Variants in CPNE4 observed in about 807,000 individuals in gnomAD.
CPNE4 encodes the protein copine-4.
Under a neutral mutation model 67.9 loss-of-function variants are expected in CPNE4, and 25 were observed. The observed-to-expected ratio is 0.37, with a 90% CI of 0.27 to 0.51. The LOEUF (loss-of-function observed/expected upper bound fraction) is 0.51, where lower values mean the gene tolerates loss of function less well. Among genes scored for constraint, CPNE4 ranks in the 20% least tolerant of loss-of-function variants. The pLI, the probability that CPNE4 is intolerant of heterozygous loss-of-function variation, is 0.93. For missense variants in CPNE4, 464 were observed against 690.8 expected, an observed-to-expected ratio of 0.67 and a Z score of 3.68; for synonymous variants, 242 against 244.9, an observed-to-expected ratio of 0.99 and a Z score of 0.11.
intron 5 of CPNE4, among the ~76,000 whole-genome samples, chr3:131,686,609 AT>A (rs2080896430): frequency 6.6e-6 from 1 of 151,868 alleles, no homozygotes; most frequent in Admixed American, 6.5e-5. Context: ...TCCATTTCTG[AT>A]TTCCTTTACT....
intron 2 of CPNE4, among the ~76,000 whole-genome samples, chr3:131,801,054 T>C (rs1403748979): frequency 6.6e-6 from 1 of 152,094 alleles, no homozygotes; most frequent in African/African-American, 2.4e-5. Flanking sequence ...TAGGGACTTA[T>C]GTCTAGTAGA....
chr3:131,664,082 A>G (rs930406178), intron 7 of CPNE4, among the ~76,000 whole-genome samples: 1 of 152,160 alleles, frequency 6.6e-6, no homozygotes, highest in African/African-American at 2.4e-5. Flanking sequence ...TATCCATGTT[A>G]CTTGTGTGGT....
At chr3:131,578,209 T>C (rs1402582976) in intron 9 of CPNE4, among the ~76,000 whole-genome samples, 2 of 152,214 alleles carry the variant, frequency 1.3e-5, no homozygotes, top group African/African-American at 4.8e-5. Context: ...ATTTTGGTAA[T>C]TGTAATATTT....
intron 3 of CPNE4, among the ~76,000 whole-genome samples, chr3:131,706,893 C>A (rs1262592856): frequency 6.6e-6 from 1 of 152,286 alleles, no homozygotes; most frequent in East Asian, 1.9e-4. Context: ...CAATGCCCCC[C>A]ACCCCACTTC....
chr3:131,544,219 C>T (rs903170972), intron 14 of CPNE4, among the ~76,000 whole-genome samples: 11 of 152,152 alleles, frequency 7.2e-5, no homozygotes, highest in South Asian at 2.1e-4. Flanking sequence ...AGCCATTCCA[C>T]GTTACCATAC....
rs556665767 is a variant in CPNE4, at chr3:131,859,658, C to T, written c.180+45606G>A. Among the ~76,000 whole-genome samples, 401 of 152,242 alleles carry T rather than the reference C, an allele frequency of 2.6e-3. 2 individuals carry two copies. The highest frequency in any genetic ancestry group is 4.7e-3 in the Non-Finnish European group (319 of 68,014). On this transcript the variant is annotated intron_variant, in intron 2 of 15. Transcript: ENST00000429747. ...GTCCATAAATAATTTGCATTATAGG[C>T]AAGATTGAGCACCAATGGTGTCCAC...
intron 8 of CPNE4, 131 bp downstream of exon 8, chr3:131,587,353 C>T: frequency 3.1e-6 from 2 of 650,378 alleles, no homozygotes; most frequent in Non-Finnish European, 5.6e-6. Context: ...ATACTCACAT[C>T]CTACCATGCT....
At chr3:131,970,078 A>G (rs2107944598) in intron 1 of CPNE4, among the ~76,000 whole-genome samples, 1 of 152,346 alleles carries the variant, frequency 6.6e-6, no homozygotes. Flanking sequence ...ATTTGGGTAT[A>G]GAGCCATATG....
rs114007232 is a variant in CPNE4, at chr3:132,031,015, C to A, written c.-2+3552G>T. On this transcript the variant is annotated intron_variant, in intron 1 of 15. Coordinates refer to ENST00000429747, the MANE Select transcript of CPNE4 (RefSeq NM_130808.3). ...CTTTATCCAAAAAATGGATGTGTAA[C>A]CCCAACCTAAATTATTATCATAATG... is the stretch of plus-strand genomic sequence containing the variant. Among the ~76,000 whole-genome samples the A allele has an allele frequency of 6.9e-3, 1,046 of 152,226 alleles. 10 individuals are homozygous for A. Among genetic ancestry groups the A allele is most frequent in the African/African-American group, 0.021 (868 of 41,550 alleles).
chr3:131,773,008 C>T (rs944496489), intron 2 of CPNE4, among the ~76,000 whole-genome samples: 1 of 152,118 alleles, frequency 6.6e-6, no homozygotes, highest in Admixed American at 6.6e-5. Flanking sequence ...ACTGAACTAA[C>T]ACTTGGGTAG....
chr3:131,847,973 T>A (rs534081294), intron 2 of CPNE4, among the ~76,000 whole-genome samples: 1 of 152,168 alleles, frequency 6.6e-6, no homozygotes, highest in African/African-American at 2.4e-5. Flanking sequence ...CATAGACTTA[T>A]CTCCTAAACA....
At chr3:131,680,933 C>T (rs952365872) in intron 6 of CPNE4, among the ~76,000 whole-genome samples, 1 of 152,182 alleles carries the variant, frequency 6.6e-6, no homozygotes, top group Non-Finnish European at 1.5e-5. Context: ...TTTTCCATTC[C>T]TGAGTTACTT....
intron 3 of CPNE4, among the ~76,000 whole-genome samples, chr3:131,705,269 A>T (rs2107711928): frequency 6.6e-6 from 1 of 152,284 alleles, no homozygotes; most frequent in Non-Finnish European, 1.5e-5. Flanking sequence ...CAGCAGCAGC[A>T]AGGCTGGGGA....
chr3:131,692,150 C>T (rs1348106453), intron 5 of CPNE4, among the ~76,000 whole-genome samples: 3 of 152,056 alleles, frequency 2.0e-5, no homozygotes, highest in Non-Finnish European at 4.4e-5. Flanking sequence ...GCAGTTCATA[C>T]CCATGACGGT....
At chr3:131,922,162 A>C (rs1408684296) in intron 1 of CPNE4, among the ~76,000 whole-genome samples, 2 of 152,148 alleles carry the variant, frequency 1.3e-5, no homozygotes, top group Admixed American at 1.3e-4. Flanking sequence ...TACAAGTGAG[A>C]ACATGTGGTA....
chr3:131,758,884 T>G (rs1423008988), intron 2 of CPNE4, among the ~76,000 whole-genome samples: 1 of 152,152 alleles, frequency 6.6e-6, no homozygotes, highest in African/African-American at 2.4e-5. Flanking sequence ...GCTGCTGCCA[T>G]GTAAGAAGTG....
intron 7 of CPNE4, among the ~76,000 whole-genome samples, chr3:131,621,433 A>G (rs979204977): frequency 1.3e-5 from 2 of 151,776 alleles, no homozygotes; most frequent in South Asian, 4.2e-4. Context: ...TTTTGTAGAG[A>G]CAGGACCTTG....
At chr3:131,802,879 C>G (rs2084181121) in intron 2 of CPNE4, among the ~76,000 whole-genome samples, 1 of 152,154 alleles carries the variant, frequency 6.6e-6, no homozygotes, top group African/African-American at 2.4e-5. Context: ...AGCTGAAAGT[C>G]ACTGCAGAGC....
At chr3:131,838,281 A>G (rs541992624) in intron 2 of CPNE4, among the ~76,000 whole-genome samples, 2 of 152,008 alleles carry the variant, frequency 1.3e-5, no homozygotes, top group Non-Finnish European at 2.9e-5. Flanking sequence ...AAGGCTTCAT[A>G]TTCAATATAT....
Sources: gnomAD v4.1 joint callset for allele counts (sites outside exome capture counted in the v4.1 genomes callset) on GRCh38, gnomAD v4.1.1 for gene constraint, MANE v1.5 for transcripts, NCBI Gene and HGNC (gene_info 2026-07-23, HGNC 2026-07-21) for gene names.